Variants in SLC16A9 observed in about 807,000 individuals in gnomAD.
The protein encoded by SLC16A9 is monocarboxylate transporter 9.
SLC16A9 carries 26 observed loss-of-function variants against 44.3 expected under a neutral mutation model. The observed-to-expected ratio is 0.59, with a 90% confidence interval of 0.43 to 0.81. SLC16A9 has a LOEUF of 0.81. SLC16A9 is among the 40% of genes least tolerant of loss of function. SLC16A9 has a pLI of 0.00. For synonymous variants in SLC16A9, 230 were observed against 225.1 expected (o/e 1.02, Z -0.19); for missense variants, 559 against 595.8 (o/e 0.94, Z 0.64).
chr10:59,673,611 A>G (rs1380346576), intron 2 of SLC16A9, among the ~76,000 whole-genome samples: 3 of 152,234 alleles, frequency 2.0e-5, no homozygotes, highest in African/African-American at 4.8e-5. Context: ...TGAGTTGACA[A>G]CCTTTCAAGT....
At chr10:59,685,317 A>G (rs1018937936) in intron 1 of SLC16A9, among the ~76,000 whole-genome samples, 7 of 152,210 alleles carry the variant, frequency 4.6e-5, no homozygotes, top group Non-Finnish European at 7.3e-5. Context: ...TGCATGGTTC[A>G]TAATGAAAAA....
intron 3 of SLC16A9, among the ~76,000 whole-genome samples, chr10:59,668,172 A>ATCATGTC (rs1420579224): frequency 6.6e-6 from 1 of 152,008 alleles, no homozygotes; most frequent in African/African-American, 2.4e-5. Flanking sequence ...TATAGTTCTC[A>ATCATGTC]TCATGTCATA....
At chr10:59,692,704 C>T (rs78821731) in intron 1 of SLC16A9, among the ~76,000 whole-genome samples, 3,751 of 152,240 alleles carry the variant, frequency 0.025, 66 homozygotes, top group Non-Finnish European at 0.038. Flanking sequence ...ATACTGATAT[C>T]ACTCTTTCCC....
intron 2 of SLC16A9, among the ~76,000 whole-genome samples, chr10:59,679,906 T>C (rs1839950196): frequency 6.6e-6 from 1 of 152,222 alleles, no homozygotes; most frequent in Non-Finnish European, 1.5e-5. Context: ...TCTCAATAGC[T>C]TCCTCAAAGG....
chr10:59,669,376 A>G (rs1193772077), intron 3 of SLC16A9, among the ~76,000 whole-genome samples: 3 of 152,242 alleles, frequency 2.0e-5, no homozygotes, highest in Non-Finnish European at 2.9e-5. Flanking sequence ...TTGCCAATAC[A>G]TAAAGATTTC....
intron 4 of SLC16A9, among the ~76,000 whole-genome samples, chr10:59,656,545 C>G (rs917747732): frequency 5.9e-5 from 9 of 152,330 alleles, no homozygotes; most frequent in African/African-American, 2.2e-4. Flanking sequence ...TTTCCTCAGC[C>G]TTCATCCCAC....
chr10:59,667,101 G>A (rs1235256376), intron 3 of SLC16A9, among the ~76,000 whole-genome samples: 1 of 152,058 alleles, frequency 6.6e-6, no homozygotes, highest in African/African-American at 2.4e-5. Flanking sequence ...AATTAAGTTT[G>A]AATAAAGATC....
At chr10:59,697,140 C>G (rs1368382318) in intron 1 of SLC16A9, among the ~76,000 whole-genome samples, 2 of 128,122 alleles carry the variant, frequency 1.6e-5, no homozygotes, top group Non-Finnish European at 3.4e-5. Flanking sequence ...AGCCAGCCAC[C>G]CCGTCCGGGA....
Position 59,667,729 on chromosome 10 carries a change from T to C in SLC16A9, c.341-3407A>G, listed in dbSNP as rs141389390. Among the ~76,000 whole-genome samples, 532 of 152,236 alleles carry C rather than the reference T, an allele frequency of 3.5e-3. 2 individuals are homozygous for C. Among genetic ancestry groups the C allele is most frequent in the African/African-American group, 0.012 (510 of 41,520 alleles). Reference sequence around the variant, plus strand: ...TTCCTTGGCCTCCAACCAGTTTGGATCAGACCCCTACCAGTGAAAAAATTC... The same window carrying C: ...TTCCTTGGCCTCCAACCAGTTTGGACCAGACCCCTACCAGTGAAAAAATTC... On this transcript the variant is annotated intron_variant, in intron 3 of 5. Transcript: ENST00000395348.
intron 1 of SLC16A9, among the ~76,000 whole-genome samples, chr10:59,698,913 C>T (rs985181984): frequency 6.6e-6 from 1 of 151,790 alleles, no homozygotes; most frequent in African/African-American, 2.4e-5. Flanking sequence ...AATGTTTTTT[C>T]TTGTATTTTT....
At chr10:59,697,160 C>A (rs867221233) in intron 1 of SLC16A9, among the ~76,000 whole-genome samples, 1 of 139,290 alleles carries the variant, frequency 7.2e-6, no homozygotes, top group African/African-American at 2.6e-5. Context: ...AGGTGAGGGG[C>A]GCCTCTGCCC....
chr10:59,652,894 A>C lies in SLC16A9; in HGVS notation c.1408T>G (p.Cys470Gly). 6.2e-7 allele frequency: 1 copy of C among 1,614,006 alleles called. No homozygotes were observed. The change falls in exon 6 of 6, where the codon TGC (cysteine) becomes GGC (glycine). Residue 470 changes from cysteine (C) to glycine (G), a missense_variant. Transcript: ENST00000395348. ...AGAATAAAACCTCCCAGCAGGACGC[A>C]GAAGCCACTAAAATAAAATGCAATA... is the stretch of plus-strand genomic sequence containing the variant. Reference protein sequence around the residue: ...YDIAFYFSGFCVLLGGFILLL... With the variant: ...YDIAFYFSGFGVLLGGFILLL...
chr10:59,682,880 A>T (rs201955052), intron 2 of SLC16A9, among the ~76,000 whole-genome samples: 23 of 112,890 alleles, frequency 2.0e-4, no homozygotes, highest in East Asian at 6.4e-4. Context: ...TGGCTATATT[A>T]TTTTTTTTTG....
At chr10:59,674,348 C>T (rs1839814780) in intron 2 of SLC16A9, among the ~76,000 whole-genome samples, 1 of 152,128 alleles carries the variant, frequency 6.6e-6, no homozygotes, top group South Asian at 2.1e-4. Flanking sequence ...TTTATGGCCC[C>T]TGAGATACAC....
rs1839618542 is a variant in SLC16A9, at chr10:59,666,378, C to T, written c.341-2056G>A. On this transcript the variant is annotated intron_variant, in intron 3 of 5. Coordinates refer to ENST00000395348, the MANE Select transcript of SLC16A9 (RefSeq NM_194298.3). ...CTGCATCAGGACAACCTTAAATCAG[C>T]AGTTGTTAAAGAGAAGTCTGTGTAC... Among the ~76,000 whole-genome samples, 4 of 151,950 alleles carry T rather than the reference C, an allele frequency of 2.6e-5. No homozygotes were observed. In the South Asian group the frequency reaches 8.3e-4, roughly 32 times the overall value.
intron 1 of SLC16A9, among the ~76,000 whole-genome samples, chr10:59,693,319 G>A (rs1840292546): frequency 6.6e-6 from 1 of 152,162 alleles, no homozygotes; most frequent in Non-Finnish European, 1.5e-5. Context: ...TCCTTTAAAA[G>A]TTATAGTCAC....
At chr10:59,696,261 G>T (rs529974172) in intron 1 of SLC16A9, among the ~76,000 whole-genome samples, 1 of 152,316 alleles carries the variant, frequency 6.6e-6, no homozygotes, top group South Asian at 2.1e-4. Flanking sequence ...GGGCCCCCAC[G>T]CCTGACTGGT....
chr10:59,703,457 AT>A (rs1280373370), intron 1 of SLC16A9, among the ~76,000 whole-genome samples: 1 of 152,160 alleles, frequency 6.6e-6, no homozygotes, highest in Non-Finnish European at 1.5e-5. Flanking sequence ...GGCCTTGTAG[AT>A]TTTTTATAGT....
At chr10:59,663,393 T>C (rs1050102001) in intron 4 of SLC16A9, among the ~76,000 whole-genome samples, 1 of 151,556 alleles carries the variant, frequency 6.6e-6, no homozygotes, top group Non-Finnish European at 1.5e-5. Flanking sequence ...AGAAAGAAAA[T>C]GTGGCACGTA....
Sources: gnomAD v4.1 joint callset for allele counts (sites outside exome capture counted in the v4.1 genomes callset) on GRCh38, gnomAD v4.1.1 for gene constraint, MANE v1.5 for transcripts, NCBI Gene and HGNC (gene_info 2026-07-23, HGNC 2026-07-21) for gene names.